MEIS1: variants seen among roughly 807,000 people sequenced by gnomAD.
The protein encoded by MEIS1 is homeobox protein Meis1.
MEIS1 carries 5 observed loss-of-function variants against 50.8 expected under a neutral mutation model. The observed-to-expected ratio is 0.10, with a 90% CI of 0.05 to 0.21. The LOEUF is 0.21. Ranked by LOEUF, MEIS1 falls within the 10% of genes least tolerant of loss-of-function variation. The probability of loss-of-function intolerance (pLI) is 1.00; values close to 1 mark genes in which losing one functional copy is unlikely to be tolerated. For missense variants in MEIS1, 318 were observed against 517.3 expected (o/e 0.61, Z 3.74); for synonymous variants, 176 against 179.3 (o/e 0.98, Z 0.15).
intron 6 of MEIS1, among the ~76,000 whole-genome samples, chr2:66,448,733 C>T (rs1411847689): frequency 6.6e-6 from 1 of 151,966 alleles, no homozygotes; most frequent in Non-Finnish European, 1.5e-5. Context: ...TATACAAAAA[C>T]TTTTAAAGGA....
chr2:66,518,452 T>A (rs1267382639), intron 8 of MEIS1, among the ~76,000 whole-genome samples: 1 of 152,220 alleles, frequency 6.6e-6, no homozygotes. Flanking sequence ...ATATTCTTAA[T>A]TGGGCTGATT....
At position 66,464,149 on chromosome 2, in the gene MEIS1, G is replaced by A. The variant is rs199516222; in HGVS notation, c.671G>A (p.Arg224His). 67 of 1,605,698 alleles carry A rather than the reference G, an allele frequency of 4.2e-5. No homozygotes were observed. The highest frequency in any genetic ancestry group is 8.5e-5 in the Admixed American group (5 of 59,050). ...GATCATGATGACACGGCATCTACTC[G>A]TTCAGGAGGAACCCCAGGCCCTTCC... ...NRDHDDTAST[R>H]SGGTPGPSSG... Residue 224 changes from arginine (R) to histidine (H), a missense_variant, in exon 7 of 13, where the codon CGT becomes CAT. Physicochemically the swap from Arg to His is conservative, Grantham distance 29. Around this residue, in one of 6 missense-constraint regions of MEIS1, gnomAD observed 48 missense variants for 50.9 expected, o/e 0.94. Transcript: ENST00000272369.
chr2:66,538,014 C>T (rs1674561946), intron 8 of MEIS1, among the ~76,000 whole-genome samples: 1 of 152,166 alleles, frequency 6.6e-6, no homozygotes, highest in Admixed American at 6.5e-5. Context: ...CATGTTGAAA[C>T]AGTCTTCTTT....
intron 9 of MEIS1, among the ~76,000 whole-genome samples, chr2:66,561,416 C>G (rs181050459): frequency 6.6e-6 from 1 of 151,958 alleles, no homozygotes; most frequent in Non-Finnish European, 1.5e-5. Context: ...GGTTTAAATT[C>G]TAAAATTTGA....
intron 7 of MEIS1, among the ~76,000 whole-genome samples, chr2:66,503,045 C>T (rs921234153): frequency 6.6e-6 from 1 of 152,160 alleles, no homozygotes; most frequent in African/African-American, 2.4e-5. Context: ...AAATTGGGGT[C>T]TACCTGAATG....
intron 6 of MEIS1, among the ~76,000 whole-genome samples, chr2:66,452,862 GTTA>G (rs1260659369): frequency 2.0e-5 from 3 of 151,856 alleles, no homozygotes; most frequent in Non-Finnish European, 4.4e-5. Context: ...AAACATCTGA[GTTA>G]TTATGTCCCG....
intron 8 of MEIS1, among the ~76,000 whole-genome samples, chr2:66,539,245 A>G (rs1356475619): frequency 6.6e-6 from 1 of 152,212 alleles, no homozygotes; most frequent in East Asian, 1.9e-4. Context: ...TACAAGCATT[A>G]ATAAAGTGAT....
chr2:66,442,825 G>C (rs951025343), intron 5 of MEIS1, 77 bp from the exon 6 acceptor site: 3 of 1,366,478 alleles, frequency 2.2e-6, no homozygotes, highest in South Asian at 3.2e-5. Flanking sequence ...TCTCACAAGG[G>C]GGGTGGATTG....
intron 10 of MEIS1, 143 bp from the exon 11 acceptor site, chr2:66,568,524 T>A: frequency 3.1e-6 from 1 of 327,728 alleles, no homozygotes. Flanking sequence ...CTGAGAGAAA[T>A]TTCACTTTGA....
rs1353446368 is a variant in MEIS1 at position 66,573,167 on chromosome 2, A to G, written c.*1959A>G. ...GACCAGACTTCAAAATCTAATTTTT[A>G]TAAATATGCTCTATGTTCTCATTGG... is the stretch of plus-strand genomic sequence containing the variant. On this transcript the variant is annotated 3_prime_UTR_variant, in exon 13 of 13. Coordinates refer to ENST00000272369, the MANE Select transcript of MEIS1 (RefSeq NM_002398.3). The G allele has an allele frequency of 6.6e-6, 1 of 152,250 alleles. No individual in the cohort carries two copies. Among genetic ancestry groups the G allele is most frequent in the Non-Finnish European group, 1.5e-5 (1 of 68,046 alleles). 9.4% of individuals were successfully genotyped at this position (152,250 alleles called of 1,614,324 possible).
intron 6 of MEIS1, 199 bp downstream of exon 6, chr2:66,443,247 G>T: frequency 1.8e-6 from 1 of 557,088 alleles, no homozygotes; most frequent in South Asian, 2.9e-5. Context: ...GACCTGAAGA[G>T]ATGAGCTTGT....
At chr2:66,520,899 G>A (rs571228140) in intron 8 of MEIS1, among the ~76,000 whole-genome samples, 17 of 152,306 alleles carry the variant, frequency 1.1e-4, no homozygotes, top group Admixed American at 4.6e-4. Flanking sequence ...TTTCCACCAC[G>A]CTGCCTCTCA....
At chr2:66,440,787 A>T in intron 4 of MEIS1, 175 bp downstream of exon 4, 1 of 578,660 alleles carries the variant, frequency 1.7e-6, no homozygotes, top group Non-Finnish European at 3.1e-6. Context: ...ATCCCGGGGA[A>T]ATAAATTCAT....
intron 1 of MEIS1, among the ~76,000 whole-genome samples, chr2:66,436,218 A>C (rs934600994): frequency 6.6e-6 from 1 of 152,220 alleles, no homozygotes; most frequent in Non-Finnish European, 1.5e-5. Flanking sequence ...TTAAACTAAA[A>C]TATGCAGCTG....
intron 1 of MEIS1, chr2:66,437,501 G>T: frequency 1.8e-6 from 1 of 548,010 alleles, no homozygotes; most frequent in Non-Finnish European, 3.2e-6. Context: ...TAGTTGATAG[G>T]GACACAAGTT....
intron 5 of MEIS1, among the ~76,000 whole-genome samples, chr2:66,442,334 T>C (rs1229876560): frequency 6.6e-6 from 1 of 150,974 alleles, no homozygotes; most frequent in Non-Finnish European, 1.5e-5. Flanking sequence ...TGTTTTCCCA[T>C]ATCAGGAGTA....
chr2:66,474,611 T>G (rs892008817), intron 7 of MEIS1, among the ~76,000 whole-genome samples: 15 of 152,222 alleles, frequency 9.9e-5, no homozygotes, highest in Non-Finnish European at 2.2e-4. Flanking sequence ...GTTGTATTGA[T>G]TAGTCCCAGA....
chr2:66,485,568 A>G (rs1224988416), intron 7 of MEIS1, among the ~76,000 whole-genome samples: 1 of 152,224 alleles, frequency 6.6e-6, no homozygotes, highest in Non-Finnish European at 1.5e-5. Flanking sequence ...ATGTGTGTGC[A>G]TGTGTCTTTA....
Position 66,571,280 on chromosome 2 carries a change from G to C in MEIS1, c.*72G>C, listed in dbSNP as rs1393622370. ...GTATGCCAGGGGAGTATGTAGCCCG[G>C]GGTGGTCCAATGGGTGTGAGTATGG... On this transcript the variant is annotated 3_prime_UTR_variant, in exon 13 of 13. Coordinates refer to ENST00000272369, the MANE Select transcript of MEIS1 (RefSeq NM_002398.3). The C allele has an allele frequency of 3.1e-6, 5 of 1,595,862 alleles. No homozygotes were observed. The highest frequency in any genetic ancestry group is 4.3e-6 in the Non-Finnish European group (5 of 1,171,084).
Sources: gnomAD v4.1 joint callset for allele counts (sites outside exome capture counted in the v4.1 genomes callset) on GRCh38, gnomAD v4.1.1 for gene constraint, gnomAD v4.1.1 regional missense constraint, MANE v1.5 for transcripts, NCBI Gene and HGNC (gene_info 2026-07-23, HGNC 2026-07-21) for gene names.